PHACTR1: variants seen among roughly 807,000 people sequenced by gnomAD.
PHACTR1 encodes RPEL repeat containing 1.
Under a neutral mutation model 69.2 loss-of-function variants are expected in PHACTR1, and 16 were observed. The ratio of observed to expected loss-of-function variants is 0.23; its 90% CI spans 0.16 to 0.35. The LOEUF (loss-of-function observed/expected upper bound fraction) is 0.35, where lower values mean the gene tolerates loss of function less well. Among genes scored for constraint, PHACTR1 ranks in the 10% least tolerant of loss-of-function variants. PHACTR1 has a pLI of 1.00. For missense variants in PHACTR1, 510 were observed against 734.7 expected (o/e 0.69, Z 3.54); for synonymous variants, 312 against 284.5 (o/e 1.10, Z -0.97).
intron 4 of PHACTR1, among the ~76,000 whole-genome samples, chr6:12,934,984 T>C (rs1789279091): frequency 6.6e-6 from 1 of 152,250 alleles, no homozygotes; most frequent in South Asian, 2.1e-4. Context: ...CCAGGTCATG[T>C]ACCATCAACT....
At chr6:13,085,297 G>A (rs906912698) in intron 5 of PHACTR1, among the ~76,000 whole-genome samples, 1 of 151,718 alleles carries the variant, frequency 6.6e-6, no homozygotes, top group African/African-American at 2.4e-5. Flanking sequence ...AAATAATACT[G>A]TGTTATTAAA....
At chr6:12,968,212 G>A (rs1394790301) in intron 4 of PHACTR1, among the ~76,000 whole-genome samples, 1 of 152,168 alleles carries the variant, frequency 6.6e-6, no homozygotes, top group Non-Finnish European at 1.5e-5. Context: ...GCTAAATGAT[G>A]GTTCAGAGAT....
At chr6:12,739,480 G>A (rs919808118) in intron 3 of PHACTR1, among the ~76,000 whole-genome samples, 11 of 151,792 alleles carry the variant, frequency 7.2e-5, no homozygotes, top group South Asian at 2.1e-4. Flanking sequence ...TCTTAAATGC[G>A]GTAATTCTCA....
chr6:13,186,551 G>T (rs1039610979), intron 7 of PHACTR1, among the ~76,000 whole-genome samples: 1 of 152,184 alleles, frequency 6.6e-6, no homozygotes, highest in African/African-American at 2.4e-5. Flanking sequence ...CAAAGATTAT[G>T]CACCCTTTAA....
intron 4 of PHACTR1, among the ~76,000 whole-genome samples, chr6:12,839,607 C>T (rs933224219): frequency 1.3e-5 from 2 of 152,120 alleles, no homozygotes; most frequent in Non-Finnish European, 2.9e-5. Flanking sequence ...ATCTTGGTCT[C>T]CTCAAGCCTC....
intron 10 of PHACTR1, among the ~76,000 whole-genome samples, chr6:13,268,373 A>G (rs202073): frequency 0.77 from 116,614 of 152,146 alleles, 45,744 homozygotes; most frequent in Non-Finnish European, 0.86. Flanking sequence ...AAAGTATCAT[A>G]GTTATGGCAG....
chr6:12,900,249 T>C (rs1785060013), intron 4 of PHACTR1, among the ~76,000 whole-genome samples: 1 of 152,184 alleles, frequency 6.6e-6, no homozygotes, highest in African/African-American at 2.4e-5. Context: ...TCCCCCTCTT[T>C]CTGTTGTTTT....
Position 13,287,304 on chromosome 6 carries a change from C to A in PHACTR1, c.*226C>A. The A allele has an allele frequency of 1.8e-6, 1 of 558,286 alleles. No homozygotes were observed. Among genetic ancestry groups the A allele is most frequent in the South Asian group, 2.1e-5 (1 of 47,246 alleles). 34.6% of individuals were successfully genotyped at this position (558,286 alleles called of 1,614,324 possible). ...TGGTCCCACTTCTGACACCAAAATG[C>A]ATCCCAACCCCCGGCAGTGCCAAGG... On this transcript the variant is annotated 3_prime_UTR_variant, in exon 15 of 15. Coordinates refer to ENST00000332995, the MANE Select transcript of PHACTR1 (RefSeq NM_030948.6).
chr6:12,825,863 T>C (rs185369913), intron 4 of PHACTR1, among the ~76,000 whole-genome samples: 2 of 151,916 alleles, frequency 1.3e-5, no homozygotes, highest in Admixed American at 1.3e-4. Context: ...CTTGGTAAAC[T>C]CTCCACTCAC....
intron 4 of PHACTR1, among the ~76,000 whole-genome samples, chr6:12,781,993 C>A (rs1025978977): frequency 2.0e-5 from 3 of 152,162 alleles, no homozygotes; most frequent in African/African-American, 7.2e-5. Context: ...TCCCGAATGC[C>A]CATGGCAGTG....
intron 5 of PHACTR1, among the ~76,000 whole-genome samples, chr6:13,055,772 C>T (rs1219574372): frequency 6.6e-6 from 1 of 152,244 alleles, no homozygotes; most frequent in Non-Finnish European, 1.5e-5. Flanking sequence ...GAAAACATAT[C>T]ACCTGATAGG....
At chr6:13,070,838 C>A (rs1048854436) in intron 5 of PHACTR1, among the ~76,000 whole-genome samples, 7 of 151,468 alleles carry the variant, frequency 4.6e-5, no homozygotes, top group Non-Finnish European at 1.0e-4. Context: ...ACAGCAGCAA[C>A]CAAAAAAAAA....
chr6:13,279,029 G>C (rs1248512140), intron 12 of PHACTR1, among the ~76,000 whole-genome samples: 1 of 92,186 alleles, frequency 1.1e-5, no homozygotes, highest in Admixed American at 1.6e-4. Context: ...GGAAAGTATA[G>C]ACTTTTTTTT....
At chr6:12,868,223 C>G (rs558983923) in intron 4 of PHACTR1, among the ~76,000 whole-genome samples, 3 of 149,134 alleles carry the variant, frequency 2.0e-5, no homozygotes, top group South Asian at 4.3e-4. Flanking sequence ...CGCCACTGCA[C>G]TCCAGCCTGG....
At chr6:12,937,153 T>C (rs1388540366) in intron 4 of PHACTR1, among the ~76,000 whole-genome samples, 3 of 152,196 alleles carry the variant, frequency 2.0e-5, no homozygotes, top group African/African-American at 7.2e-5. Context: ...CAGGTCTTTT[T>C]TTCTGCCCAG....
intron 4 of PHACTR1, among the ~76,000 whole-genome samples, chr6:12,847,018 T>G (rs1166289414): frequency 6.6e-6 from 1 of 151,950 alleles, no homozygotes; most frequent in East Asian, 1.9e-4. Flanking sequence ...AGTTTCGCCA[T>G]GTAGCCCAGG....
rs761412919 is a variant in PHACTR1, at chr6:13,206,186, G to A, written c.986+50G>A. On this transcript the variant is annotated intron_variant, in intron 8 of 14. Coordinates refer to ENST00000332995, the MANE Select transcript of PHACTR1 (RefSeq NM_030948.6). ...GACGGGAGGAGAGGGGTTGGCTGGG[G>A]AGGGGGGCCTAGGGATTTGGACCAT... 40 of 1,476,176 alleles carry A rather than the reference G, an allele frequency of 2.7e-5. No individual in the cohort carries two copies. In the South Asian group the frequency reaches 4.1e-4, roughly 15 times the overall value. 91.4% of individuals were successfully genotyped at this position (1,476,176 alleles called of 1,614,324 possible).
At chr6:13,000,174 G>A (rs905147180) in intron 4 of PHACTR1, among the ~76,000 whole-genome samples, 3 of 152,156 alleles carry the variant, frequency 2.0e-5, no homozygotes, top group African/African-American at 7.2e-5. Flanking sequence ...GGGCATGTGG[G>A]AATCCACGAC....
intron 7 of PHACTR1, among the ~76,000 whole-genome samples, chr6:13,190,978 G>A (rs1379218700): frequency 2.0e-5 from 3 of 152,028 alleles, no homozygotes; most frequent in African/African-American, 7.2e-5. Flanking sequence ...CCTGGTTATA[G>A]CTATCTCTCT....
Sources: allele counts gnomAD v4.1 joint callset (sites outside exome capture counted in the v4.1 genomes callset), GRCh38; gene constraint gnomAD v4.1.1; transcripts MANE v1.5; gene names NCBI Gene and HGNC (gene_info 2026-07-23, HGNC 2026-07-21).